Variants in SH3BP4 observed in about 807,000 individuals in gnomAD.
SH3BP4 encodes SH3 domain binding protein 4.
In SH3BP4, 33 loss-of-function variants were observed where a neutral mutation model predicts 65.5. That is an observed-to-expected ratio of 0.50 (90% CI 0.38 to 0.67). SH3BP4 has a LOEUF of 0.67. Ranked by LOEUF, SH3BP4 falls within the 30% of genes least tolerant of loss-of-function variation. SH3BP4 has a pLI of 0.00. For missense variants in SH3BP4, 1,134 were observed against 1,261.4 expected (o/e 0.90, Z 1.53); for synonymous variants, 552 against 545.5 (o/e 1.01, Z -0.17).
Position 235,046,788 on chromosome 2 carries a change from G to A in SH3BP4, c.2478+3541G>A, listed in dbSNP as rs1695874856. ...ATGAATGAATGCAGGCCTTGGGCTG[G>A]GCTAAGAATCCAAGCGGGAGGCATT... On this transcript the variant is annotated intron_variant, in intron 4 of 5. Coordinates refer to ENST00000392011, the MANE Select transcript of SH3BP4 (RefSeq NM_014521.3). This position sits in a 1 kb window ranked among gnomAD's most constrained non-coding sequence, Gnocchi z 4.2. 6.6e-6 allele frequency among the ~76,000 whole-genome samples: 1 copy of A among 152,148 alleles called. No individual in the cohort carries two copies. Among genetic ancestry groups the A allele is most frequent in the Non-Finnish European group, 1.5e-5 (1 of 68,022 alleles).
At chr2:235,049,295 C>T (rs886945451) in intron 4 of SH3BP4, among the ~76,000 whole-genome samples, 4 of 152,146 alleles carry the variant, frequency 2.6e-5, no homozygotes, top group African/African-American at 4.8e-5. Context: ...GGGGAGAGAG[C>T]GGTTTTGATC....
Position 235,042,994 on chromosome 2 carries a change from A to C in SH3BP4, c.2225A>C (p.Glu742Ala). 3.1e-6 allele frequency: 5 copies of C among 1,611,098 alleles called. No individual in the cohort carries two copies. The highest frequency in any genetic ancestry group is 4.2e-6 in the Non-Finnish European group (5 of 1,178,042). Residue 742 changes from glutamate to alanine, a missense_variant, in exon 4 of 6, where the codon GAG becomes GCG. Coordinates refer to ENST00000392011, the MANE Select transcript of SH3BP4 (RefSeq NM_014521.3). The surrounding 1 kb of genome is among the most constrained non-coding windows in gnomAD (Gnocchi z 7.3). ...GPELSTSVLL[E>A]QILRPCKFLT... Reference sequence around the variant, plus strand: ...GAGCTGAGCACCTCGGTGCTGCTGGAGCAGATCCTGCGGCCCTGCAAATTC... The same window carrying C: ...GAGCTGAGCACCTCGGTGCTGCTGGCGCAGATCCTGCGGCCCTGCAAATTC...
chr2:234,955,699 G>A (rs1301113884), intron 1 of SH3BP4, among the ~76,000 whole-genome samples: 2 of 152,172 alleles, frequency 1.3e-5, no homozygotes, highest in Non-Finnish European at 2.9e-5. Flanking sequence ...ATATGGATTT[G>A]AGGAAGTAGA....
chr2:235,042,629 C>A lies in SH3BP4; in HGVS notation c.1860C>A (p.Ser620=). Residue 620 remains serine (S), a synonymous_variant, in exon 4 of 6, where the codon TCC becomes TCA. Transcript: ENST00000392011. This position sits in a 1 kb window ranked among gnomAD's most constrained non-coding sequence, Gnocchi z 7.3. ...QPPPKSAIKP[S]GQRRFLKKNE... is the part of the protein sequence containing the mutation. ...CCCCTAAAAGTGCCATCAAGCCTTC[C>A]GGGCAAAGGAGGTTTCTCAAGAAGA... 2 of 1,614,090 alleles carry A rather than the reference C, an allele frequency of 1.2e-6. No individual in the cohort carries two copies.
At chr2:235,053,127 T>C (rs917155195) in intron 5 of SH3BP4, among the ~76,000 whole-genome samples, 2 of 152,226 alleles carry the variant, frequency 1.3e-5, no homozygotes, top group African/African-American at 4.8e-5. Flanking sequence ...TTACATAACT[T>C]GGGCCAAAGC....
At chr2:234,973,709 C>T (rs1693068537) in intron 1 of SH3BP4, among the ~76,000 whole-genome samples, 1 of 151,482 alleles carries the variant, frequency 6.6e-6, no homozygotes, top group Non-Finnish European at 1.5e-5. Flanking sequence ...GAGTGGAGGG[C>T]ACAAGGATGA....
rs1224867860 is a variant in SH3BP4 at position 235,033,336 on chromosome 2, A to G, written c.-132-1535A>G. ...AGAACGGAAGCTCTCTGGTGTCTCA[A>G]ATAAAGGCGCTGATCTGATCATGAG... is the stretch of plus-strand genomic sequence containing the variant. On this transcript the variant is annotated intron_variant, in intron 2 of 5. Transcript: ENST00000392011. This position sits in a 1 kb window ranked among gnomAD's most constrained non-coding sequence, Gnocchi z 5.7. 1.3e-5 allele frequency among the ~76,000 whole-genome samples: 2 copies of G among 152,162 alleles called. No individual in the cohort carries two copies. The highest frequency in any genetic ancestry group is 2.9e-5 in the Non-Finnish European group (2 of 68,024).
At chr2:234,982,690 T>C (rs1328078802) in intron 1 of SH3BP4, among the ~76,000 whole-genome samples, 2 of 151,984 alleles carry the variant, frequency 1.3e-5, no homozygotes, top group Non-Finnish European at 2.9e-5. Context: ...AGGCATTCCC[T>C]AGTCACAGGG....
intron 2 of SH3BP4, among the ~76,000 whole-genome samples, chr2:235,019,768 T>TCTG (rs113640902): frequency 0.22 from 32,863 of 150,828 alleles, 3,787 homozygotes; most frequent in East Asian, 0.43. Context: ...CACCACTGTT[T>TCTG]CTGCTGCTGC....
chr2:235,019,805 A>G (rs546207860), intron 2 of SH3BP4, among the ~76,000 whole-genome samples: 25 of 148,206 alleles, frequency 1.7e-4, no homozygotes, highest in African/African-American at 5.8e-4. Flanking sequence ...AAGGTGGTCC[A>G]TTCCATTCCT....
Position 235,042,565 on chromosome 2 carries a change from C to T in SH3BP4, c.1796C>T (p.Ala599Val). 6.2e-7 allele frequency: 1 copy of T among 1,614,120 alleles called. No individual in the cohort carries two copies. The change falls in exon 4 of 6, where the codon GCC (alanine) becomes GTC (valine). Residue 599 changes from alanine (A) to valine (V), a missense_variant. Transcript: ENST00000392011. The surrounding 1 kb of genome is among the most constrained non-coding windows in gnomAD (Gnocchi z 7.3). Reference sequence around the variant, plus strand: ...GTTCAGGTGAAGGACGACCAGGAGGCCATCCTCACCCAGTTTTGTGTCCAG... The same window carrying T: ...GTTCAGGTGAAGGACGACCAGGAGGTCATCCTCACCCAGTTTTGTGTCCAG... ...LRVQVKDDQE[A>V]ILTQFCVQTP...
At position 234,967,272 on chromosome 2, in the gene SH3BP4, G is replaced by T. The variant is rs1205238800; in HGVS notation, c.-207+15102G>T. Among the ~76,000 whole-genome samples the T allele has an allele frequency of 6.6e-6, 1 of 152,170 alleles. No homozygotes were observed. Among genetic ancestry groups the T allele is most frequent in the Non-Finnish European group, 1.5e-5 (1 of 68,032 alleles). ...AAGGTGCTTAACCGGGACCAGACTG[G>T]GGAGCAGGATGGGGCTGTGTTGTGG... On this transcript the variant is annotated intron_variant, in intron 1 of 5. Coordinates refer to ENST00000392011, the MANE Select transcript of SH3BP4 (RefSeq NM_014521.3). The surrounding 1 kb of genome is among the most constrained non-coding windows in gnomAD (Gnocchi z 4.6).
chr2:234,958,724 CA>C (rs1170902210), intron 1 of SH3BP4, among the ~76,000 whole-genome samples: 1 of 152,024 alleles, frequency 6.6e-6, no homozygotes, highest in Non-Finnish European at 1.5e-5. Context: ...GAGCTCAAAG[CA>C]GACGGGACAG....
chr2:235,013,919 T>G (rs996739471), intron 2 of SH3BP4, among the ~76,000 whole-genome samples: 11 of 152,168 alleles, frequency 7.2e-5, no homozygotes, highest in African/African-American at 2.7e-4. Context: ...AATGATAATA[T>G]TAACCCCCTC....
rs1053352553 is a variant in SH3BP4 at position 234,992,316 on chromosome 2, T to G, written c.-206-2987T>G. Among the ~76,000 whole-genome samples the G allele has an allele frequency of 3.6e-4, 55 of 152,106 alleles. 1 individual carries two copies. Among genetic ancestry groups the G allele is most frequent in the Non-Finnish European group, 1.8e-4 (12 of 68,008 alleles). On this transcript the variant is annotated intron_variant, in intron 1 of 5. Coordinates refer to ENST00000392011, the MANE Select transcript of SH3BP4 (RefSeq NM_014521.3). Reference sequence around the variant, plus strand: ...GGCGAGGCTGAGGCCCTGGACCACATGCAGGTCGTTTTCTTCGGGGTGGCT... The same window carrying G: ...GGCGAGGCTGAGGCCCTGGACCACAGGCAGGTCGTTTTCTTCGGGGTGGCT...
rs1693233074 is a variant in SH3BP4 at position 234,978,231 on chromosome 2, C to T, written c.-206-17072C>T. Among the ~76,000 whole-genome samples, 2 of 152,230 alleles carry T rather than the reference C, an allele frequency of 1.3e-5. No homozygotes were observed. Among genetic ancestry groups the T allele is most frequent in the Admixed American group, 6.5e-5 (1 of 15,282 alleles). ...TCAGCCTCCCAAAGTGCTGGGATTA[C>T]AGGCGTGAGCCACCATGCTGGCAGT... On this transcript the variant is annotated intron_variant, in intron 1 of 5. Coordinates refer to ENST00000392011, the MANE Select transcript of SH3BP4 (RefSeq NM_014521.3). This position sits in a 1 kb window ranked among gnomAD's most constrained non-coding sequence, Gnocchi z 4.1.
intron 1 of SH3BP4, chr2:234,979,360 TTGTCATTCTCTGC>T (rs1288277236): frequency 6.6e-6 from 1 of 152,244 alleles, no homozygotes; most frequent in African/African-American, 2.4e-5. Flanking sequence ...AATTTCGCAG[TTGTCATTCTCTGC>T]TGTTTTTTAG....
rs755695939 is a variant in SH3BP4, at chr2:235,052,756, C to T, written c.2667+6C>T. ...ACGGGGTTGTGGACAGCGAGGTGAG[C>T]AGCGGCTGAGCTTCGAGCTCACCGA... On this transcript the variant is annotated splice_donor_region_variant and intron_variant, in intron 5 of 5. Coordinates refer to ENST00000392011, the MANE Select transcript of SH3BP4 (RefSeq NM_014521.3). The surrounding 1 kb of genome is among the most constrained non-coding windows in gnomAD (Gnocchi z 5.0). 13 of 1,574,986 alleles carry T rather than the reference C, an allele frequency of 8.3e-6. No homozygotes were observed. Among genetic ancestry groups the T allele is most frequent in the African/African-American group, 1.4e-5 (1 of 73,954 alleles).
intron 4 of SH3BP4, among the ~76,000 whole-genome samples, chr2:235,044,757 T>A (rs911035303): frequency 9.9e-5 from 15 of 152,276 alleles, no homozygotes; most frequent in African/African-American, 3.4e-4. Context: ...CATACCCGGC[T>A]CGGCTGCCCA....
Sources: allele counts gnomAD v4.1 joint callset (sites outside exome capture counted in the v4.1 genomes callset), GRCh38; gene constraint gnomAD v4.1.1; non-coding constraint Gnocchi (gnomAD v3.1); transcripts MANE v1.5; gene names NCBI Gene and HGNC (gene_info 2026-07-23, HGNC 2026-07-21).